KCNH8: variants seen among roughly 807,000 people sequenced by gnomAD.
KCNH8 encodes voltage-gated delayed rectifier potassium channel KCNH8.
Under a neutral mutation model 103.6 loss-of-function variants are expected in KCNH8, and 70 were observed. That is an observed-to-expected ratio of 0.68 (90% CI 0.56 to 0.82). The LOEUF (loss-of-function observed/expected upper bound fraction) is 0.82, where lower values mean the gene tolerates loss of function less well. Among genes scored for constraint, KCNH8 ranks in the 40% least tolerant of loss-of-function variants. The probability of loss-of-function intolerance (pLI) is 0.00; values close to 1 mark genes in which losing one functional copy is unlikely to be tolerated. For missense variants in KCNH8, 1,217 were observed against 1,329.9 expected, an observed-to-expected ratio of 0.92 and a Z score of 1.32; for synonymous variants, 498 against 489.4, an observed-to-expected ratio of 1.02 and a Z score of -0.23.
Position 19,245,852 on chromosome 3 carries a change from G to A in KCNH8, c.77-7802G>A, listed in dbSNP as rs547863018. ...TAGCAGCCTTTTGGCAGAGTCTTTA[G>A]GGTTTTCTAGGTATAGAGTAATATC... is the stretch of plus-strand genomic sequence containing the variant. On this transcript the variant is annotated intron_variant, in intron 1 of 15. Coordinates refer to ENST00000328405, the MANE Select transcript of KCNH8 (RefSeq NM_144633.3). Among the ~76,000 whole-genome samples, 14 of 152,236 alleles carry A rather than the reference G, an allele frequency of 9.2e-5. No individual in the cohort carries two copies. In the East Asian group the frequency reaches 2.7e-3, roughly 29 times the overall value.
chr3:19,163,607 C>T (rs541616710), intron 1 of KCNH8, among the ~76,000 whole-genome samples: 1 of 152,082 alleles, frequency 6.6e-6, no homozygotes, highest in East Asian at 1.9e-4. Flanking sequence ...GTAGATTGAT[C>T]AAATTGACAA....
intron 14 of KCNH8, among the ~76,000 whole-genome samples, chr3:19,515,870 A>G (rs867731140): frequency 2.5e-4 from 38 of 152,188 alleles, no homozygotes; most frequent in Middle Eastern, 3.4e-3. Context: ...ATAACTTCGG[A>G]AAGGTATAAG....
chr3:19,245,240 T>G (rs899709793), intron 1 of KCNH8, among the ~76,000 whole-genome samples: 3 of 152,186 alleles, frequency 2.0e-5, no homozygotes, highest in South Asian at 2.1e-4. Context: ...CTTGCTTTTG[T>G]TGTTCTTGTA....
intron 5 of KCNH8, among the ~76,000 whole-genome samples, chr3:19,372,911 A>G (rs1439123111): frequency 6.6e-6 from 1 of 151,988 alleles, no homozygotes; most frequent in African/African-American, 2.4e-5. Context: ...GCTGGATTAC[A>G]TTTATTGATT....
chr3:19,331,272 T>A (rs1473488971), intron 3 of KCNH8, among the ~76,000 whole-genome samples: 2 of 142,430 alleles, frequency 1.4e-5, no homozygotes, highest in East Asian at 3.9e-4. Flanking sequence ...TTTATTTATT[T>A]ATTTATTTAT....
At chr3:19,311,258 C>A (rs923009596) in intron 3 of KCNH8, among the ~76,000 whole-genome samples, 1 of 151,580 alleles carries the variant, frequency 6.6e-6, no homozygotes, top group African/African-American at 2.4e-5. Flanking sequence ...ATGGTTTTTA[C>A]CACATTTAAT....
chr3:19,342,938 A>T (rs1198435719), intron 4 of KCNH8, among the ~76,000 whole-genome samples: 1 of 152,142 alleles, frequency 6.6e-6, no homozygotes, highest in Non-Finnish European at 1.5e-5. Context: ...CATAGAGATT[A>T]GAATATTATT....
intron 1 of KCNH8, among the ~76,000 whole-genome samples, chr3:19,220,995 C>G (rs2063868131): frequency 6.6e-6 from 1 of 152,088 alleles, no homozygotes; most frequent in African/African-American, 2.4e-5. Context: ...GTAAAATTTT[C>G]AAAAGGAATA....
At chr3:19,526,252 T>C (rs1265103297) in intron 15 of KCNH8, among the ~76,000 whole-genome samples, 8 of 151,892 alleles carry the variant, frequency 5.3e-5, no homozygotes, top group African/African-American at 1.7e-4. Context: ...AAGAAGATTA[T>C]GTCAACAGAT....
At position 19,510,328 on chromosome 3, in the gene KCNH8, T is replaced by C. The variant is rs370108039; in HGVS notation, c.2041-35T>C. The C allele has an allele frequency of 7.1e-4, 949 of 1,343,748 alleles. 16 individuals carry two copies. In the South Asian group the frequency reaches 9.9e-3, roughly 14 times the overall value. 83.2% of individuals were successfully genotyped at this position (1,343,748 alleles called of 1,614,324 possible). ...CACCCAGTCCCAAACCACCAGGATA[T>C]GTAAAATGATTAATACTTCTGTTTG... On this transcript the variant is annotated intron_variant, in intron 11 of 15. Coordinates refer to ENST00000328405, the MANE Select transcript of KCNH8 (RefSeq NM_144633.3).
intron 2 of KCNH8, among the ~76,000 whole-genome samples, chr3:19,261,428 T>A (rs2064434335): frequency 6.6e-6 from 1 of 151,932 alleles, no homozygotes; most frequent in Non-Finnish European, 1.5e-5. Context: ...CTTTGCTTAT[T>A]TTTTATTTGT....
intron 2 of KCNH8, among the ~76,000 whole-genome samples, chr3:19,255,597 G>A (rs1042258807): frequency 3.3e-5 from 5 of 152,006 alleles, no homozygotes; most frequent in Non-Finnish European, 7.4e-5. Context: ...CATGGCACAC[G>A]TTTACCTGTG....
chr3:19,437,458 A>C (rs1369746028), intron 7 of KCNH8, among the ~76,000 whole-genome samples: 2 of 152,208 alleles, frequency 1.3e-5, no homozygotes, highest in Non-Finnish European at 2.9e-5. Context: ...TTAATTTGAT[A>C]AATTTTGACA....
chr3:19,243,524 A>T (rs75303788), intron 1 of KCNH8, among the ~76,000 whole-genome samples: 9,488 of 152,264 alleles, frequency 0.062, 953 homozygotes, highest in African/African-American at 0.21. Context: ...CAGAGAATAC[A>T]GTTCAGGAGA....
chr3:19,475,955 A>T (rs1269914196), intron 11 of KCNH8, among the ~76,000 whole-genome samples: 1 of 152,156 alleles, frequency 6.6e-6, no homozygotes, highest in East Asian at 1.9e-4. Flanking sequence ...ACCAATTTTG[A>T]GTACAATACT....
chr3:19,501,309 C>G (rs1474828995), intron 11 of KCNH8, among the ~76,000 whole-genome samples: 1 of 152,006 alleles, frequency 6.6e-6, no homozygotes, highest in Non-Finnish European at 1.5e-5. Flanking sequence ...AAAAAGAGTC[C>G]AGACCAGATG....
intron 3 of KCNH8, among the ~76,000 whole-genome samples, chr3:19,338,260 T>C (rs1394905172): frequency 6.6e-6 from 1 of 151,980 alleles, no homozygotes; most frequent in African/African-American, 2.4e-5. Context: ...CTTTCTTCAG[T>C]TCTTCAAAGA....
chr3:19,210,563 A>G (rs1426379506), intron 1 of KCNH8, among the ~76,000 whole-genome samples: 2 of 150,854 alleles, frequency 1.3e-5, no homozygotes, highest in African/African-American at 2.5e-5. Context: ...GCCCATTTAA[A>G]AAAATATATA....
At chr3:19,149,556 A>G (rs1245784649) in intron 1 of KCNH8, among the ~76,000 whole-genome samples, 2 of 151,950 alleles carry the variant, frequency 1.3e-5, no homozygotes, top group Non-Finnish European at 2.9e-5. Flanking sequence ...ACGGTTCGTT[A>G]TCATCTGCAA....
Sources: allele counts gnomAD v4.1 joint callset (sites outside exome capture counted in the v4.1 genomes callset), GRCh38; gene constraint gnomAD v4.1.1; transcripts MANE v1.5; gene names NCBI Gene and HGNC (gene_info 2026-07-23, HGNC 2026-07-21).